SRGAP3: variants seen among roughly 807,000 people sequenced by gnomAD.
SRGAP3 encodes the protein SLIT-ROBO Rho GTPase-activating protein 3.
Under a neutral mutation model 121.1 loss-of-function variants are expected in SRGAP3, and 39 were observed. That is an observed-to-expected ratio of 0.32 (90% confidence interval 0.25 to 0.42). The LOEUF is 0.42. Among genes scored for constraint, SRGAP3 ranks in the 10% least tolerant of loss-of-function variants. SRGAP3 has a pLI of 1.00. For synonymous variants in SRGAP3, 601 were observed against 570.0 expected, an observed-to-expected ratio of 1.05 and a Z score of -0.77; for missense variants, 1,213 against 1,470.6, an observed-to-expected ratio of 0.82 and a Z score of 2.86.
chr3:9,348,493 T>C (rs1170577188), intron 1 of SRGAP3: 1 of 730,494 alleles, frequency 1.4e-6, no homozygotes. Flanking sequence ...GCATGTGGAA[T>C]CCGGAGAACC....
At chr3:9,205,090 C>T (rs1207228637) in intron 1 of SRGAP3, among the ~76,000 whole-genome samples, 1 of 152,160 alleles carries the variant, frequency 6.6e-6, no homozygotes, top group Non-Finnish European at 1.5e-5. Context: ...GGAAGGGGCA[C>T]CCAGAAAGTT....
chr3:9,310,770 C>T (rs1359589498), intron 3 of SRGAP3, among the ~76,000 whole-genome samples: 1 of 152,176 alleles, frequency 6.6e-6, no homozygotes, highest in African/African-American at 2.4e-5. Flanking sequence ...TCACCTGAAA[C>T]TAGTCCTAAA....
intron 3 of SRGAP3, among the ~76,000 whole-genome samples, chr3:9,287,556 G>A (rs1012869751): frequency 6.6e-6 from 1 of 152,120 alleles, no homozygotes; most frequent in African/African-American, 2.4e-5. Context: ...CTAAACAATG[G>A]CCACACATGA....
rs374641872 is a variant in SRGAP3 at position 9,124,733 on chromosome 3, G to A, written c.252C>T (p.His84=). The A allele has an allele frequency of 2.5e-6, 4 of 1,613,996 alleles. No homozygotes were observed. The highest frequency in any genetic ancestry group is 3.4e-6 in the Non-Finnish European group (4 of 1,180,042). ...CATACCCAACTTCTTACTTGAACTG[G>A]TGCTCCCGGGAGCTGCGGATTTTGG... ...FSSKIRSSRE[H]QFKKDQYLLS... is the part of the protein sequence containing the mutation. The change falls in exon 2 of 22, where the codon CAC becomes CAT. Residue 84 remains histidine, a synonymous_variant. Transcript: ENST00000383836.
chr3:9,022,007 CGGA>C (rs1364375574), intron 14 of SRGAP3, among the ~76,000 whole-genome samples: 4 of 152,078 alleles, frequency 2.6e-5, no homozygotes, highest in Non-Finnish European at 5.9e-5. Flanking sequence ...TCACCTGAAC[CGGA>C]GGAGGCAGAG....
chr3:9,260,480 T>G (rs751411485), intron 3 of SRGAP3, among the ~76,000 whole-genome samples: 2 of 152,178 alleles, frequency 1.3e-5, no homozygotes, highest in African/African-American at 2.4e-5. Context: ...CGTCCGCCAT[T>G]AAGGAGGCTT....
chr3:9,053,330 T>A, intron 8 of SRGAP3, 106 bp from the exon 9 acceptor site: 1 of 1,122,458 alleles, frequency 8.9e-7, no homozygotes, highest in Non-Finnish European at 1.3e-6. Flanking sequence ...ATGAAGTCCC[T>A]AGGATATAGG....
At chr3:9,196,225 G>A (rs1365579824) in intron 1 of SRGAP3, among the ~76,000 whole-genome samples, 1 of 152,220 alleles carries the variant, frequency 6.6e-6, no homozygotes, top group Non-Finnish European at 1.5e-5. Context: ...TTTTCCTAGA[G>A]ACAAGCCATG....
At chr3:9,351,908 T>C (rs551606883) in intron 1 of SRGAP3, among the ~76,000 whole-genome samples, 2 of 152,308 alleles carry the variant, frequency 1.3e-5, no homozygotes, top group East Asian at 3.9e-4. Flanking sequence ...CTTCGTGTCC[T>C]TAGAGAATGC....
intron 10 of SRGAP3, among the ~76,000 whole-genome samples, chr3:9,044,664 G>A (rs537827133): frequency 3.3e-4 from 50 of 152,240 alleles, no homozygotes; most frequent in African/African-American, 1.1e-3. Context: ...GCCCTCATAC[G>A]GCATAAAAAG....
intron 12 of SRGAP3, chr3:9,028,054 GT>G: frequency 6.2e-7 from 1 of 1,612,330 alleles, no homozygotes; most frequent in Non-Finnish European, 8.5e-7. Flanking sequence ...ACTAAAGACA[GT>G]TTCCATCACG....
intron 3 of SRGAP3, chr3:9,081,140 C>T (rs750875386): frequency 1.4e-4 from 52 of 381,514 alleles, no homozygotes; most frequent in Non-Finnish European, 1.0e-4. Flanking sequence ...ACTTGGACAT[C>T]GCCTTCCTAG....
intron 3 of SRGAP3, among the ~76,000 whole-genome samples, chr3:9,266,182 TG>T (rs1250403291): frequency 6.6e-6 from 1 of 152,072 alleles, no homozygotes; most frequent in Non-Finnish European, 1.5e-5. Flanking sequence ...TGAGAACATA[TG>T]GACACAGGGA....
chr3:9,246,257 C>T (rs1428985182), intron 1 of SRGAP3, among the ~76,000 whole-genome samples: 1 of 152,212 alleles, frequency 6.6e-6, no homozygotes, highest in African/African-American at 2.4e-5. Flanking sequence ...AGCACAAAAT[C>T]TGTCTGACTA....
chr3:9,182,850 GTC>G (rs1951467279), intron 1 of SRGAP3, among the ~76,000 whole-genome samples: 2 of 151,730 alleles, frequency 1.3e-5, no homozygotes, highest in South Asian at 4.2e-4. Flanking sequence ...AGAGATGGAG[GTC>G]TCACTGTGTT....
intron 3 of SRGAP3, among the ~76,000 whole-genome samples, chr3:9,094,516 A>C (rs1378099790): frequency 6.6e-6 from 1 of 152,170 alleles, no homozygotes; most frequent in African/African-American, 2.4e-5. Context: ...CAAAAGGTCC[A>C]TACCCCTTCC....
intron 1 of SRGAP3, among the ~76,000 whole-genome samples, chr3:9,140,390 C>T (rs965613753): frequency 6.6e-6 from 1 of 151,974 alleles, no homozygotes; most frequent in Non-Finnish European, 1.5e-5. Context: ...GGGTTTAGTC[C>T]TCCCAAAACA....
At chr3:9,269,033 T>A (rs756970693) in intron 3 of SRGAP3, among the ~76,000 whole-genome samples, 1 of 152,110 alleles carries the variant, frequency 6.6e-6, no homozygotes, top group African/African-American at 2.4e-5. Context: ...GTGATTAGGA[T>A]TGGAATCTCA....
At chr3:9,012,264 C>A (rs1358449527) in intron 17 of SRGAP3, among the ~76,000 whole-genome samples, 2 of 152,176 alleles carry the variant, frequency 1.3e-5, no homozygotes, top group Non-Finnish European at 2.9e-5. Context: ...AATGCTTTGA[C>A]AATCAAAAAA....
Sources: gnomAD v4.1 joint callset for allele counts (sites outside exome capture counted in the v4.1 genomes callset) on GRCh38, gnomAD v4.1.1 for gene constraint, MANE v1.5 for transcripts, NCBI Gene and HGNC (gene_info 2026-07-23, HGNC 2026-07-21) for gene names.